NAALADL2: variants seen among roughly 807,000 people sequenced by gnomAD.
The protein encoded by NAALADL2 is N-acetylated alpha-linked acidic dipeptidase like 2.
In NAALADL2, 76 loss-of-function variants were observed where a neutral mutation model predicts 87.2. The observed-to-expected ratio is 0.87, with a 90% CI of 0.72 to 1.05. The LOEUF is 1.05. Among genes scored for constraint, NAALADL2 ranks in the 50% least tolerant of loss-of-function variants. NAALADL2 has a pLI of 0.00. For missense variants in NAALADL2, 1,089 were observed against 945.8 expected (o/e 1.15, Z -1.99); for synonymous variants, 354 against 331.0 (o/e 1.07, Z -0.75).
At chr3:175,194,498 G>A (rs138503267) in intron 2 of NAALADL2, among the ~76,000 whole-genome samples, 2 of 151,878 alleles carry the variant, frequency 1.3e-5, no homozygotes, top group East Asian at 1.9e-4. Flanking sequence ...TTTAATGAAA[G>A]GTAGGCTATA....
intron 5 of NAALADL2, among the ~76,000 whole-genome samples, chr3:175,351,670 C>A (rs1448572872): frequency 6.6e-6 from 1 of 151,986 alleles, no homozygotes; most frequent in Non-Finnish European, 1.5e-5. Flanking sequence ...GTGTGGCAAT[C>A]AGTAGGTCAC....
chr3:175,340,555 G>T (rs989577744), intron 5 of NAALADL2, among the ~76,000 whole-genome samples: 1 of 152,154 alleles, frequency 6.6e-6, no homozygotes, highest in African/African-American at 2.4e-5. Context: ...CCCCTTCTCA[G>T]TTCTACAAAG....
At chr3:175,102,264 C>T (rs1297414097) in intron 2 of NAALADL2, among the ~76,000 whole-genome samples, 1 of 152,124 alleles carries the variant, frequency 6.6e-6, no homozygotes, top group Non-Finnish European at 1.5e-5. Flanking sequence ...TTCCTGGAAA[C>T]AAATCACAGC....
chr3:174,917,962 A>G (rs192456634), intron 1 of NAALADL2, among the ~76,000 whole-genome samples: 115 of 152,266 alleles, frequency 7.6e-4, no homozygotes, highest in African/African-American at 2.7e-3. Context: ...GAATGTTTGT[A>G]GAAGTGTATT....
intron 9 of NAALADL2, among the ~76,000 whole-genome samples, chr3:175,567,382 T>A (rs950059427): frequency 8.6e-5 from 13 of 151,990 alleles, no homozygotes; most frequent in African/African-American, 3.1e-4. Context: ...TTTCTCTATT[T>A]TTTTTTTCTT....
At chr3:175,378,877 T>C (rs1414867409) in intron 5 of NAALADL2, among the ~76,000 whole-genome samples, 1 of 152,214 alleles carries the variant, frequency 6.6e-6, no homozygotes, top group South Asian at 2.1e-4. Flanking sequence ...CTTTAGGCAC[T>C]TATAAATGCA....
chr3:175,754,210 C>T (rs541086873), intron 12 of NAALADL2, among the ~76,000 whole-genome samples: 66 of 152,270 alleles, frequency 4.3e-4, no homozygotes, highest in Admixed American at 1.2e-3. Flanking sequence ...GAAGCAGGTA[C>T]TATTATTACA....
chr3:175,690,121 C>A (rs1206264995), intron 11 of NAALADL2, among the ~76,000 whole-genome samples: 1 of 152,054 alleles, frequency 6.6e-6, no homozygotes, highest in Admixed American at 6.6e-5. Context: ...TTTGATTCTG[C>A]AATCTTTCAT....
At chr3:175,663,079 T>G (rs916489010) in intron 11 of NAALADL2, among the ~76,000 whole-genome samples, 21 of 151,906 alleles carry the variant, frequency 1.4e-4, no homozygotes, top group African/African-American at 5.1e-4. Context: ...TGGGTAGAAT[T>G]GGTATTGGTT....
chr3:174,788,204 G>T (rs1276952931), intron 3 of NAALADL2, among the ~76,000 whole-genome samples: 1 of 152,088 alleles, frequency 6.6e-6, no homozygotes, highest in East Asian at 1.9e-4. Context: ...CCAAAAGTTT[G>T]CTCATACCAG....
At chr3:174,703,765 G>A (rs945289398) in intron 2 of NAALADL2, among the ~76,000 whole-genome samples, 12 of 152,080 alleles carry the variant, frequency 7.9e-5, no homozygotes, top group African/African-American at 2.4e-4. Context: ...AGTTTCCCAC[G>A]AAAATATTTA....
intron 4 of NAALADL2, among the ~76,000 whole-genome samples, chr3:175,315,064 A>C (rs1455433133): frequency 2.0e-5 from 3 of 152,094 alleles, no homozygotes; most frequent in Admixed American, 6.6e-5. Flanking sequence ...TACTGTGGGC[A>C]TACAAATACT....
At chr3:175,151,517 T>C (rs891500070) in intron 2 of NAALADL2, among the ~76,000 whole-genome samples, 2 of 152,158 alleles carry the variant, frequency 1.3e-5, no homozygotes, top group African/African-American at 2.4e-5. Flanking sequence ...GTTTAATTGT[T>C]TTCTAAAGGG....
At chr3:175,715,000 T>C (rs1741042164) in intron 11 of NAALADL2, among the ~76,000 whole-genome samples, 2 of 152,186 alleles carry the variant, frequency 1.3e-5, no homozygotes, top group African/African-American at 4.8e-5. Flanking sequence ...TTTTCTCTTT[T>C]CTAAATTATC....
At chr3:175,611,896 T>G (rs1331795770) in intron 10 of NAALADL2, among the ~76,000 whole-genome samples, 1 of 152,152 alleles carries the variant, frequency 6.6e-6, no homozygotes. Context: ...TTAAATGGAA[T>G]TTTTGCTTTA....
At chr3:175,738,623 C>T (rs1056036810) in intron 12 of NAALADL2, among the ~76,000 whole-genome samples, 2 of 152,066 alleles carry the variant, frequency 1.3e-5, no homozygotes, top group Non-Finnish European at 2.9e-5. Context: ...CTCAATACTT[C>T]TTATGATTTT....
chr3:174,548,289 G>A (rs1364459479), intron 1 of NAALADL2, among the ~76,000 whole-genome samples: 2 of 152,030 alleles, frequency 1.3e-5, no homozygotes, highest in Non-Finnish European at 2.9e-5. Flanking sequence ...CACACCATAT[G>A]GAATTTCTGA....
At chr3:175,015,394 T>TTC (rs1750679728) in intron 1 of NAALADL2, among the ~76,000 whole-genome samples, 2 of 152,160 alleles carry the variant, frequency 1.3e-5, no homozygotes, top group South Asian at 4.1e-4. Context: ...AAAAGCCTGT[T>TTC]CTGCCATTAG....
intron 1 of NAALADL2, among the ~76,000 whole-genome samples, chr3:174,868,978 A>G (rs1490171448): frequency 1.3e-5 from 2 of 152,180 alleles, no homozygotes; most frequent in African/African-American, 4.8e-5. Context: ...ATGGAGTATA[A>G]AGTCTGAGCA....
Sources: gnomAD v4.1 joint callset for allele counts (sites outside exome capture counted in the v4.1 genomes callset) on GRCh38, gnomAD v4.1.1 for gene constraint, MANE v1.5 for transcripts, NCBI Gene and HGNC (gene_info 2026-07-23, HGNC 2026-07-21) for gene names.